The following EFCAB11 variants were observed in gnomAD, a reference collection of about 807,000 sequenced individuals.
EFCAB11 encodes EF-hand calcium-binding domain-containing protein 11.
In EFCAB11, 14 loss-of-function variants were observed where a neutral mutation model predicts 23.0. The observed-to-expected ratio is 0.61, with a 90% CI of 0.40 to 0.95. The LOEUF is 0.95. Ranked by LOEUF, EFCAB11 falls within the 40% of genes least tolerant of loss-of-function variation. The probability of loss-of-function intolerance (pLI) is 0.00; values close to 1 mark genes in which losing one functional copy is unlikely to be tolerated. For missense variants in EFCAB11, 198 were observed against 195.8 expected, an observed-to-expected ratio of 1.01 and a Z score of -0.07; for synonymous variants, 65 against 66.6, an observed-to-expected ratio of 0.98 and a Z score of 0.11.
At chr14:89,926,790 G>C (rs1488094879) in intron 5 of EFCAB11, among the ~76,000 whole-genome samples, 1 of 152,134 alleles carries the variant, frequency 6.6e-6, no homozygotes, top group African/African-American at 2.4e-5. Flanking sequence ...TTTTGAACAT[G>C]AAAGACAGTG....
chr14:89,954,776 G>C (rs1273954172), upstream of EFCAB11: 3 of 1,443,284 alleles, frequency 2.1e-6, no homozygotes, highest in African/African-American at 4.2e-5. Flanking sequence ...ACTTCACCGC[G>C]CAACTCCGAC....
At position 89,893,562 on chromosome 14, in the gene EFCAB11, T is replaced by C. The variant is rs556856492; in HGVS notation, c.410+37979A>G. On this transcript the variant is annotated intron_variant, in intron 5 of 5. Coordinates refer to ENST00000316738, the MANE Select transcript of EFCAB11 (RefSeq NM_145231.4). Reference sequence around the variant, plus strand: ...CAGGGCAGCCCGTATCCAAAGTCCATCTCCTGGGGGGCCTTAAAGGCCTTT... The same window carrying C: ...CAGGGCAGCCCGTATCCAAAGTCCACCTCCTGGGGGGCCTTAAAGGCCTTT... 2.1e-3 allele frequency among the ~76,000 whole-genome samples: 315 copies of C among 151,102 alleles called. 1 individual carries two copies. The highest frequency in any genetic ancestry group is 7.3e-3 in the African/African-American group (299 of 40,806).
At chr14:89,953,409 A>C (rs1253608766) in intron 2 of EFCAB11, among the ~76,000 whole-genome samples, 1 of 152,236 alleles carries the variant, frequency 6.6e-6, no homozygotes, top group African/African-American at 2.4e-5. Context: ...CATGGATAGA[A>C]AATTTCAGAA....
intron 5 of EFCAB11, among the ~76,000 whole-genome samples, chr14:89,844,160 T>C (rs1200300536): frequency 1.3e-5 from 2 of 152,356 alleles, no homozygotes; most frequent in Non-Finnish European, 2.9e-5. Flanking sequence ...AGACAATCTT[T>C]TGTGCTTCTG....
intron 5 of EFCAB11, among the ~76,000 whole-genome samples, chr14:89,930,880 C>T (rs1177235929): frequency 6.6e-6 from 1 of 152,160 alleles, no homozygotes; most frequent in Non-Finnish European, 1.5e-5. Context: ...TGCTGGGAGT[C>T]AGAGAAGAGA....
intron 1 of EFCAB11, chr14:89,954,218 A>T: frequency 9.5e-7 from 1 of 1,049,346 alleles, no homozygotes; most frequent in Non-Finnish European, 1.4e-6. Context: ...AGTGCAAACG[A>T]GTTAACCGCT....
chr14:89,883,362 A>G (rs1486002361), intron 5 of EFCAB11, among the ~76,000 whole-genome samples: 1 of 152,256 alleles, frequency 6.6e-6, no homozygotes, highest in Non-Finnish European at 1.5e-5. Context: ...ATATATAAAT[A>G]TAGTCATCGC....
chr14:89,898,738 C>T (rs1027021853), intron 5 of EFCAB11, among the ~76,000 whole-genome samples: 4 of 145,780 alleles, frequency 2.7e-5, no homozygotes, highest in African/African-American at 5.1e-5. Context: ...GTGGTACAAT[C>T]GTAGCTCACT....
At chr14:89,931,655 T>C in intron 4 of EFCAB11, 24 bp from the exon 5 acceptor site, 4 of 1,597,876 alleles carry the variant, frequency 2.5e-6, no homozygotes, top group Non-Finnish European at 3.4e-6. Context: ...ATAAAAAATA[T>C]TCACTTACTT....
intron 5 of EFCAB11, among the ~76,000 whole-genome samples, chr14:89,890,273 T>C (rs1167454380): frequency 6.6e-6 from 1 of 152,168 alleles, no homozygotes; most frequent in Non-Finnish European, 1.5e-5. Context: ...TTTTAGGTTA[T>C]ACGAAAATAA....
At chr14:89,932,448 A>T in intron 4 of EFCAB11, 78 bp downstream of exon 4, 1 of 1,060,496 alleles carries the variant, frequency 9.4e-7, no homozygotes, top group South Asian at 1.4e-5. Flanking sequence ...TATATATTTG[A>T]TTTACTGGGT....
chr14:89,844,620 C>T (rs1438077208), intron 5 of EFCAB11, among the ~76,000 whole-genome samples: 1 of 152,210 alleles, frequency 6.6e-6, no homozygotes, highest in Admixed American at 6.5e-5. Context: ...AGCTAAGCAA[C>T]TTCTGCATGG....
chr14:89,946,103 G>A (rs1382146937), intron 3 of EFCAB11, among the ~76,000 whole-genome samples: 9 of 151,492 alleles, frequency 5.9e-5, no homozygotes, highest in Non-Finnish European at 1.0e-4. Context: ...GTATTTTTTC[G>A]TAAAGACGGG....
intron 5 of EFCAB11, among the ~76,000 whole-genome samples, chr14:89,802,222 A>G (rs1260453195): frequency 6.6e-6 from 1 of 151,704 alleles, no homozygotes; most frequent in East Asian, 1.9e-4. Flanking sequence ...AAAAAAAAAA[A>G]AAGAAAGAAA....
At chr14:89,801,303 C>T (rs1254656497) in intron 5 of EFCAB11, among the ~76,000 whole-genome samples, 1 of 152,096 alleles carries the variant, frequency 6.6e-6, no homozygotes, top group East Asian at 1.9e-4. Context: ...GAGTGCCAGG[C>T]ACACACACAC....
At chr14:89,851,307 T>C (rs1016524303) in intron 5 of EFCAB11, among the ~76,000 whole-genome samples, 16 of 152,344 alleles carry the variant, frequency 1.1e-4, no homozygotes, top group African/African-American at 3.8e-4. Flanking sequence ...AAAGATTTCC[T>C]CCAGCTGCTT....
At chr14:89,831,951 AAGAG>A (rs1886900491) in intron 5 of EFCAB11, among the ~76,000 whole-genome samples, 2 of 152,162 alleles carry the variant, frequency 1.3e-5, no homozygotes, top group Admixed American at 1.3e-4. Context: ...TGAAGAGTAG[AAGAG>A]AGAAAGAAGG....
At chr14:89,835,594 G>GTGTGTGTA (rs1228019022) in intron 5 of EFCAB11, among the ~76,000 whole-genome samples, 1 of 120,448 alleles carries the variant, frequency 8.3e-6, no homozygotes, top group East Asian at 2.9e-4. Flanking sequence ...ACGTGTGTGT[G>GTGTGTGTA]TGTGTGTGTG....
intron 5 of EFCAB11, among the ~76,000 whole-genome samples, chr14:89,816,087 G>A (rs1886328541): frequency 6.6e-6 from 1 of 151,994 alleles, no homozygotes; most frequent in Admixed American, 6.6e-5. Context: ...TTTCCTTATA[G>A]AGATTTTTTA....
Sources: allele counts gnomAD v4.1 joint callset (sites outside exome capture counted in the v4.1 genomes callset), GRCh38; gene constraint gnomAD v4.1.1; transcripts MANE v1.5; gene names NCBI Gene and HGNC (gene_info 2026-07-23, HGNC 2026-07-21).